ANTXRL: variants seen among roughly 807,000 people sequenced by gnomAD.
ANTXRL encodes anthrax toxin receptor-like.
A neutral mutation model predicts 75.4 loss-of-function variants in ANTXRL; 63 were observed. That is an observed-to-expected ratio of 0.84 (90% CI 0.68 to 1.03). The LOEUF is 1.03. ANTXRL is among the 50% of genes least tolerant of loss of function. The pLI is 0.00. For missense variants in ANTXRL, 797 were observed against 789.4 expected (o/e 1.01, Z -0.12); for synonymous variants, 335 against 291.3 (o/e 1.15, Z -1.53).
chr10:46,320,436 A>C (rs1554965377), intron 16 of ANTXRL, among the ~76,000 whole-genome samples: 1 of 152,060 alleles, frequency 6.6e-6, no homozygotes, highest in Non-Finnish European at 1.5e-5. Flanking sequence ...GGTTTGTTAC[A>C]ATTGTTCACC....
chr10:46,302,220 C>T (rs1837793521), intron 9 of ANTXRL, among the ~76,000 whole-genome samples: 1 of 152,130 alleles, frequency 6.6e-6, no homozygotes, highest in South Asian at 2.1e-4. Flanking sequence ...CACAGGCACA[C>T]AGAAAGACAG....
intron 3 of ANTXRL, 46 bp from the exon 4 acceptor site, chr10:46,295,973 C>G (rs1837353423): frequency 2.0e-6 from 3 of 1,471,312 alleles, no homozygotes; most frequent in Non-Finnish European, 2.8e-6. Flanking sequence ...TGATTTTTAA[C>G]AGTCAATGTC....
chr10:46,307,393 A>G lies in ANTXRL; in HGVS notation c.966-9A>G, dbSNP rs781866250. ...CTGGCTCTCACCATCTGCATTTTCT[A>G]TGCTTTAGGGAGTACTCTATTGAAG... On this transcript the variant is annotated splice_polypyrimidine_tract_variant and intron_variant, in intron 11 of 16. Transcript: ENST00000620264. 1.4e-5 allele frequency: 22 copies of G among 1,533,100 alleles called. No individual in the cohort carries two copies. Among genetic ancestry groups the G allele is most frequent in the South Asian group, 1.1e-4 (9 of 83,976 alleles). The allele number at this position is 1,533,100 out of a possible 1,614,324, so 95.0% of individuals were successfully genotyped here.
rs573797659 is a variant in ANTXRL, at chr10:46,311,574, C to T, written c.1238C>T (p.Pro413Leu). 141 of 1,514,004 alleles carry T rather than the reference C, an allele frequency of 9.3e-5. No homozygotes were observed. The highest frequency in any genetic ancestry group is 1.0e-4 in the Non-Finnish European group (115 of 1,126,678). 93.8% of individuals were successfully genotyped at this position (1,514,004 alleles called of 1,614,324 possible). A position where few individuals can be genotyped will look rare whatever the true frequency, so the allele number is the denominator to read the frequency against. The change falls in exon 15 of 17, where the codon CCG (proline) becomes CTG (leucine). Residue 413 changes from proline to leucine, a missense_variant. Transcript: ENST00000620264. ...PPPPPPPPPL[P>L]PPPPAPVNTC... ...CCTCCGCCTCCACCACCTCCACTCC[C>T]GCCTCCGCCCCCAGCTCCTGTAAAC... is the stretch of plus-strand genomic sequence containing the variant.
intron 16 of ANTXRL, among the ~76,000 whole-genome samples, chr10:46,315,055 G>A (rs1294258402): frequency 6.6e-6 from 1 of 152,180 alleles, no homozygotes; most frequent in African/African-American, 2.4e-5. Flanking sequence ...GGAGTTCCCC[G>A]TTCTCCTCTT....
rs1554967261 is a variant in ANTXRL at position 46,329,861 on chromosome 10, G to A, written c.1673G>A (p.Arg558Lys). Reference protein sequence around the residue: ...QAPCSPRICLRHSPEYFSQAQ... With the variant: ...QAPCSPRICLKHSPEYFSQAQ... ...CCCTGCAGCCCAAGGATCTGCCTGA[G>A]ACACAGCCCGGAGTACTTTTCCCAA... The change falls in exon 17 of 17, where the codon AGA (arginine) becomes AAA (lysine). Residue 558 changes from arginine (R) to lysine (K), a missense_variant. By Grantham distance (26) the Arg-to-Lys change is conservative. Around this residue, in one of 3 missense-constraint regions of ANTXRL, gnomAD observed 479 missense variants for 422.0 expected, o/e 1.14. Transcript: ENST00000620264. 1.2e-5 allele frequency: 19 copies of A among 1,535,086 alleles called. No homozygotes were observed. In the East Asian group the frequency reaches 4.2e-4, roughly 34 times the overall value.
At chr10:46,289,072 G>T (rs1298517881) in intron 1 of ANTXRL, among the ~76,000 whole-genome samples, 6 of 152,154 alleles carry the variant, frequency 3.9e-5, no homozygotes, top group Non-Finnish European at 7.3e-5. Context: ...AGCTGGGCGG[G>T]ACCCTGAGAA....
chr10:46,306,751 A>C, intron 10 of ANTXRL, 52 bp from the exon 11 acceptor site: 1 of 1,426,362 alleles, frequency 7.0e-7, no homozygotes, highest in South Asian at 1.4e-5. Flanking sequence ...CATGGGGAGG[A>C]ACAGTGGACA....
chr10:46,295,998 AC>A lies in ANTXRL; in HGVS notation c.393-19del, dbSNP rs1248578530. ...CAGTCAATGTCTTTCCAGGTCAACC[AC>A]CTTTTTAAATTTTTTTCAGGAATAG... On this transcript the variant is annotated intron_variant, in intron 3 of 16. Transcript: ENST00000620264. 1.3e-6 allele frequency: 2 copies of A among 1,530,512 alleles called. No individual in the cohort carries two copies. Among genetic ancestry groups the A allele is most frequent in the African/African-American group, 1.4e-5 (1 of 72,828 alleles). The allele number at this position is 1,530,512 out of a possible 1,614,324, so 94.8% of individuals were successfully genotyped here. A position where few individuals can be genotyped will look rare whatever the true frequency, so the allele number is the denominator to read the frequency against.
chr10:46,327,802 G>A (rs1247352648), intron 16 of ANTXRL, among the ~76,000 whole-genome samples: 2 of 152,136 alleles, frequency 1.3e-5, no homozygotes, highest in Non-Finnish European at 2.9e-5. Context: ...CCTGGCAGGA[G>A]ACCCCTGGGA....
intron 16 of ANTXRL, among the ~76,000 whole-genome samples, chr10:46,328,843 G>C (rs1554966949): frequency 6.6e-6 from 1 of 152,112 alleles, no homozygotes; most frequent in Non-Finnish European, 1.5e-5. Flanking sequence ...TTCCCAAGAG[G>C]TTGAGTGACT....
At chr10:46,302,592 G>A (rs1837820560) in intron 9 of ANTXRL, 130 bp from the exon 10 acceptor site, 1 of 663,140 alleles carries the variant, frequency 1.5e-6, no homozygotes, top group East Asian at 2.7e-5. Context: ...TGTTGGTTCA[G>A]ACACAGCTCT....
intron 10 of ANTXRL, 96 bp from the exon 11 acceptor site, chr10:46,306,707 G>A (rs1281118448): frequency 1.8e-6 from 2 of 1,100,960 alleles, no homozygotes; most frequent in Admixed American, 5.9e-5. Context: ...GCCGGTCCTG[G>A]GCCACAGGGT....
intron 16 of ANTXRL, among the ~76,000 whole-genome samples, chr10:46,321,158 T>C (rs1838959976): frequency 1.3e-5 from 2 of 152,162 alleles, no homozygotes; most frequent in Non-Finnish European, 2.9e-5. Flanking sequence ...TCTTCATTTT[T>C]TTGGTTTTAG....
intron 2 of ANTXRL, among the ~76,000 whole-genome samples, chr10:46,293,517 G>C (rs1221250280): frequency 1.7e-5 from 2 of 116,312 alleles, no homozygotes; most frequent in Non-Finnish European, 3.9e-5. Context: ...CTGTGTGTGT[G>C]TGTGCCTCTG....
chr10:46,292,007 C>G (rs544841599), intron 1 of ANTXRL, 51 bp from the exon 2 acceptor site: 5 of 1,499,718 alleles, frequency 3.3e-6, no homozygotes, highest in African/African-American at 2.8e-5. Flanking sequence ...AGACACTTGC[C>G]CATCGGAGAG....
chr10:46,329,470 G>A (rs1839382463), intron 16 of ANTXRL, 129 bp from the exon 17 acceptor site: 2 of 1,223,182 alleles, frequency 1.6e-6, no homozygotes, highest in South Asian at 3.2e-5. Context: ...GAGAGGAGGA[G>A]CACAGCAAGG....
At chr10:46,316,488 C>T (rs184852686) in intron 16 of ANTXRL, among the ~76,000 whole-genome samples, 1 of 152,250 alleles carries the variant, frequency 6.6e-6, no homozygotes, top group Non-Finnish European at 1.5e-5. Flanking sequence ...GCATGGCCAC[C>T]TCTCTGTCCT....
intron 2 of ANTXRL, among the ~76,000 whole-genome samples, chr10:46,293,545 ATAT>A (rs1554957451): frequency 1.8e-5 from 1 of 54,216 alleles, no homozygotes; most frequent in African/African-American, 7.8e-5. Flanking sequence ...ATGTGTGTGC[ATAT>A]GTGTGTGAGT....
Sources: allele counts gnomAD v4.1 joint callset (sites outside exome capture counted in the v4.1 genomes callset), GRCh38; gene constraint gnomAD v4.1.1; regional missense constraint gnomAD v4.1.1; transcripts MANE v1.5; gene names NCBI Gene and HGNC (gene_info 2026-07-23, HGNC 2026-07-21).